Variants in FUT8 observed in about 807,000 individuals in gnomAD.
The protein encoded by FUT8 is alpha-(1,6)-fucosyltransferase.
Under a neutral mutation model 71.3 loss-of-function variants are expected in FUT8, and 29 were observed. The ratio of observed to expected loss-of-function variants is 0.41; its 90% CI spans 0.30 to 0.55. The LOEUF is 0.55. Ranked by LOEUF, FUT8 falls within the 20% of genes least tolerant of loss-of-function variation. The pLI is 0.34. For missense variants in FUT8, 544 were observed against 702.1 expected, an observed-to-expected ratio of 0.77 and a Z score of 2.55; for synonymous variants, 254 against 239.3, an observed-to-expected ratio of 1.06 and a Z score of -0.57.
chr14:65,693,323 A>G (rs1893804421), intron 7 of FUT8, among the ~76,000 whole-genome samples: 3 of 152,238 alleles, frequency 2.0e-5, no homozygotes, highest in African/African-American at 7.2e-5. Context: ...CAGCCAACAC[A>G]GCGAAACCCC....
the FUT8 span, among the ~76,000 whole-genome samples, chr14:65,358,635 G>A: frequency 2.6e-5 from 4 of 152,022 alleles, no homozygotes; most frequent in South Asian, 8.3e-4. Context: ...TGGTAGAGAT[G>A]GATGGGGTTT....
chr14:65,673,207 C>G (rs910371623), intron 7 of FUT8, among the ~76,000 whole-genome samples: 2 of 152,204 alleles, frequency 1.3e-5, no homozygotes, highest in African/African-American at 4.8e-5. Flanking sequence ...CTAAACTGAA[C>G]AGTTACCTTC....
At chr14:65,512,957 C>T (rs1028810432) in intron 2 of FUT8, among the ~76,000 whole-genome samples, 4 of 151,136 alleles carry the variant, frequency 2.6e-5, no homozygotes, top group Non-Finnish European at 4.4e-5. Flanking sequence ...CTTTCCCATT[C>T]CAAGACCATC....
intron 1 of FUT8, among the ~76,000 whole-genome samples, chr14:65,439,024 A>ATTTTAGT (rs1246855112): frequency 1.3e-5 from 2 of 152,164 alleles, no homozygotes; most frequent in African/African-American, 4.8e-5. Context: ...CTGCCCTCCA[A>ATTTTAGT]TTTTAGTTGA....
chr14:65,511,824 G>C (rs1882365308), intron 2 of FUT8, among the ~76,000 whole-genome samples: 1 of 152,144 alleles, frequency 6.6e-6, no homozygotes, highest in Admixed American at 6.5e-5. Context: ...ACAGATTAAT[G>C]GGTCTTCTTT....
At chr14:65,731,261 G>A (rs950278619) in intron 9 of FUT8, among the ~76,000 whole-genome samples, 3 of 152,146 alleles carry the variant, frequency 2.0e-5, no homozygotes, top group Admixed American at 2.0e-4. Context: ...TTATGTACCA[G>A]GTACAGTGAA....
intron 2 of FUT8, among the ~76,000 whole-genome samples, chr14:65,480,299 ATTTTTTTT>A (rs5809276): frequency 0.024 from 2,316 of 96,964 alleles, 78 homozygotes; most frequent in African/African-American, 0.084. Context: ...ATGAACTGTG[ATTTTTTTT>A]TTTTTTTTTT....
intron 3 of FUT8, among the ~76,000 whole-genome samples, chr14:65,600,643 A>ACATGGGTTT (rs2140168379): frequency 1.3e-5 from 2 of 152,316 alleles, no homozygotes; most frequent in African/African-American, 4.8e-5. Flanking sequence ...ATTTGTAGTA[A>ACATGGGTTT]CATGGGTTTC....
chr14:65,589,536 C>T lies in FUT8; in HGVS notation c.204-26442C>T, dbSNP rs1014034023. Among the ~76,000 whole-genome samples, 5 of 151,558 alleles carry T rather than the reference C, an allele frequency of 3.3e-5. No individual in the cohort carries two copies. The South Asian group carries it at 6.3e-4, about 19-fold the overall frequency. On this transcript the variant is annotated intron_variant, in intron 3 of 10. Coordinates refer to ENST00000673929, the MANE Select transcript of FUT8 (RefSeq NM_001371533.1). ...TCAGCTAACTGCAAGCTCTGCCTCC[C>T]GGGTTCACACCATTCTCCTGCCTCA... is the stretch of plus-strand genomic sequence containing the variant.
chr14:65,522,237 CT>C (rs1200012321), intron 2 of FUT8, among the ~76,000 whole-genome samples: 1 of 152,122 alleles, frequency 6.6e-6, no homozygotes, highest in Admixed American at 6.5e-5. Context: ...CCGACTTTTC[CT>C]TTTGGTGCCC....
At chr14:65,549,385 AG>A (rs1885156825) in intron 2 of FUT8, among the ~76,000 whole-genome samples, 1 of 151,870 alleles carries the variant, frequency 6.6e-6, no homozygotes, top group Non-Finnish European at 1.5e-5. Flanking sequence ...TCTGATTAGA[AG>A]CCCCCTGCAT....
intron 2 of FUT8, among the ~76,000 whole-genome samples, chr14:65,484,952 G>C (rs1470174705): frequency 6.6e-6 from 1 of 151,508 alleles, no homozygotes; most frequent in Non-Finnish European, 1.5e-5. Context: ...TTTTATGTTA[G>C]ATATTATAGT....
At chr14:65,485,804 C>T (rs1001533760) in intron 2 of FUT8, among the ~76,000 whole-genome samples, 4 of 152,206 alleles carry the variant, frequency 2.6e-5, no homozygotes, top group African/African-American at 9.7e-5. Flanking sequence ...TATCCACGCA[C>T]CTAGCTCCCC....
chr14:65,393,460 G>T, the FUT8 span, among the ~76,000 whole-genome samples: 1 of 152,202 alleles, frequency 6.6e-6, no homozygotes, highest in African/African-American at 2.4e-5. Context: ...CCTCATGCCA[G>T]CTAGATTCCA....
intron 2 of FUT8, among the ~76,000 whole-genome samples, chr14:65,548,963 C>T (rs971201944): frequency 6.6e-6 from 1 of 152,116 alleles, no homozygotes; most frequent in African/African-American, 2.4e-5. Flanking sequence ...AAAATAAGCA[C>T]ATGAAAAGAT....
intron 7 of FUT8, among the ~76,000 whole-genome samples, chr14:65,686,118 T>C (rs1286096960): frequency 1.3e-5 from 2 of 152,122 alleles, no homozygotes; most frequent in Non-Finnish European, 2.9e-5. Flanking sequence ...GCCACAGAAA[T>C]GATGAGCAGT....
chr14:65,405,615 G>A (rs2065086781), upstream of FUT8, among the ~76,000 whole-genome samples: 1 of 152,176 alleles, frequency 6.6e-6, no homozygotes, highest in African/African-American at 2.4e-5. Flanking sequence ...AGGCAAGATG[G>A]AAACAATATT....
intron 1 of FUT8, among the ~76,000 whole-genome samples, chr14:65,417,346 C>T (rs1200312539): frequency 1.3e-5 from 2 of 152,098 alleles, no homozygotes; most frequent in African/African-American, 4.8e-5. Context: ...CCCCATCATC[C>T]AACAGTCTTC....
At chr14:65,604,996 C>T (rs1888500992) in intron 3 of FUT8, among the ~76,000 whole-genome samples, 1 of 151,786 alleles carries the variant, frequency 6.6e-6, no homozygotes, top group East Asian at 1.9e-4. Context: ...GTATGTTTTG[C>T]AACTTTTTTC....
Sources: allele counts gnomAD v4.1 joint callset (sites outside exome capture counted in the v4.1 genomes callset), GRCh38; gene constraint gnomAD v4.1.1; transcripts MANE v1.5; gene names NCBI Gene and HGNC (gene_info 2026-07-23, HGNC 2026-07-21).